The following SNX8 variants were observed in gnomAD, a reference collection of about 807,000 sequenced individuals.
The protein encoded by SNX8 is sorting nexin 8.
In SNX8, 25 loss-of-function variants were observed where a neutral mutation model predicts 51.6. That is an observed-to-expected ratio of 0.48 (90% CI 0.35 to 0.68). SNX8 has a LOEUF of 0.68. Among genes scored for constraint, SNX8 ranks in the 30% least tolerant of loss-of-function variants. SNX8 has a pLI of 0.00. For synonymous variants in SNX8, 324 were observed against 277.0 expected (o/e 1.17, Z -1.68); for missense variants, 695 against 624.0 (o/e 1.11, Z -1.21).
upstream of SNX8, among the ~76,000 whole-genome samples, chr7:2,315,705 G>T (rs1188146988): frequency 7.7e-6 from 1 of 129,588 alleles, no homozygotes; most frequent in Middle Eastern, 5.7e-3. Flanking sequence ...CATTCATTCA[G>T]TCACTCACTC....
At chr7:2,315,500 T>G (rs1281920605), upstream of SNX8, among the ~76,000 whole-genome samples, 5 of 141,294 alleles carry the variant, frequency 3.5e-5, 1 homozygote, top group African/African-American at 1.3e-4. Context: ...ACTTACTGCT[T>G]CTTCATACGT....
chr7:2,278,700 G>A (rs56397238), intron 1 of SNX8, among the ~76,000 whole-genome samples: 36 of 108,572 alleles, frequency 3.3e-4, no homozygotes, highest in African/African-American at 1.0e-3. Flanking sequence ...AGTCGACGCC[G>A]GACTCACTCA....
chr7:2,268,312 C>G (rs1316183342), intron 5 of SNX8, among the ~76,000 whole-genome samples: 2 of 144,426 alleles, frequency 1.4e-5, no homozygotes, highest in Non-Finnish European at 3.0e-5. Context: ...TGGCAACCAC[C>G]CCGTCTGAGA....
At chr7:2,267,976 A>T (rs1795515864) in intron 5 of SNX8, among the ~76,000 whole-genome samples, 3 of 141,440 alleles carry the variant, frequency 2.1e-5, no homozygotes, top group Admixed American at 6.9e-5. Flanking sequence ...CCCATCTGGG[A>T]TGTGAGGAGC....
chr7:2,277,428 G>C (rs373262066), intron 2 of SNX8, among the ~76,000 whole-genome samples: 17 of 152,004 alleles, frequency 1.1e-4, no homozygotes, highest in African/African-American at 4.1e-4. Context: ...AATCCTCGGG[G>C]GTTTCCCACT....
intron 1 of SNX8, among the ~76,000 whole-genome samples, chr7:2,293,768 G>A (rs1463756299): frequency 1.3e-5 from 2 of 148,532 alleles, no homozygotes; most frequent in Non-Finnish European, 3.0e-5. Context: ...TTCGAGACCT[G>A]CCTGGCCAAC....
intron 1 of SNX8, among the ~76,000 whole-genome samples, chr7:2,304,608 G>A (rs939129536): frequency 6.6e-6 from 1 of 151,944 alleles, no homozygotes; most frequent in African/African-American, 2.4e-5. Context: ...CCCTCACTGA[G>A]TAGCCCACCT....
At chr7:2,315,283 C>G (rs552602641), upstream of SNX8, among the ~76,000 whole-genome samples, 1 of 150,358 alleles carries the variant, frequency 6.7e-6, no homozygotes, top group African/African-American at 2.4e-5. Context: ...CACCCACTCA[C>G]CCACTCACTC....
chr7:2,269,310 A>C (rs1188807135), intron 5 of SNX8, among the ~76,000 whole-genome samples: 1 of 151,240 alleles, frequency 6.6e-6, no homozygotes, highest in Admixed American at 6.6e-5. Flanking sequence ...AGATGCTTGA[A>C]GGCAGCATGC....
intron 1 of SNX8, among the ~76,000 whole-genome samples, chr7:2,298,754 C>T (rs911716334): frequency 1.3e-4 from 19 of 151,794 alleles, no homozygotes; most frequent in African/African-American, 3.6e-4. Flanking sequence ...TGCAGTGGCA[C>T]GATCTCAGCT....
intron 1 of SNX8, among the ~76,000 whole-genome samples, chr7:2,313,560 AAAG>A (rs1160616889): frequency 1.3e-5 from 2 of 151,298 alleles, no homozygotes; most frequent in Non-Finnish European, 2.9e-5. Flanking sequence ...GAAAAAGAAA[AAAG>A]AAAAAGACAG....
rs1344736222 is a variant in SNX8, at chr7:2,275,108, T to G, written c.418+4A>C. On this transcript the variant is annotated splice_donor_region_variant and intron_variant, in intron 3 of 10. Transcript: ENST00000222990. ...CCCCCGGTGGGCAGCACGCCTGGCT[T>G]TACCTCCCAGCATTCTCTTGGGTGG... The G allele has an allele frequency of 6.2e-7, 1 of 1,604,666 alleles. No homozygotes were observed. The highest frequency in any genetic ancestry group is 1.1e-5 in the South Asian group (1 of 90,874).
rs1021609888 is a variant in SNX8 at position 2,334,311 on chromosome 7, G to A, written c.-66+19911C>T. 2.6e-5 allele frequency among the ~76,000 whole-genome samples: 4 copies of A among 152,068 alleles called. No homozygotes were observed. The South Asian group carries it at 6.2e-4, about 24-fold the overall frequency. Reference sequence around the variant, plus strand: ...CCAGCTACTTGGCAGGCTGAGGCAGGAGAATCACTTGAACCCGGGAGGCAG... The same window carrying A: ...CCAGCTACTTGGCAGGCTGAGGCAGAAGAATCACTTGAACCCGGGAGGCAG... On this transcript the variant is annotated intron_variant, in intron 1 of 5. Transcript: ENST00000435336.
At chr7:2,346,921 C>CAAAAAAAAAAAAAAAAAAAA (rs758069233) in intron 1 of SNX8, among the ~76,000 whole-genome samples, 1 of 49,772 alleles carries the variant, frequency 2.0e-5, no homozygotes. Context: ...GACTCCGTCT[C>CAAAAAAAAAAAAAAAAAAAA]AAAAAAAAAA....
intron 1 of SNX8, among the ~76,000 whole-genome samples, chr7:2,292,461 T>G (rs895680039): frequency 2.6e-5 from 4 of 151,496 alleles, no homozygotes; most frequent in African/African-American, 9.7e-5. Flanking sequence ...GCCCAGGCTG[T>G]AGTGCAGTGG....
At chr7:2,263,095 G>T in intron 7 of SNX8, 135 bp downstream of exon 7, 1 of 1,088,392 alleles carries the variant, frequency 9.2e-7, no homozygotes, top group Non-Finnish European at 1.3e-6. Flanking sequence ...CTCCAGCCTG[G>T]CAACAGAGGG....
chr7:2,334,869 GAAAAAAAAAA>G (rs71023399), intron 1 of SNX8, among the ~76,000 whole-genome samples: 44,844 of 79,632 alleles, frequency 0.56, 9,745 homozygotes, highest in East Asian at 0.68. Flanking sequence ...GCCCATCTCT[GAAAAAAAAAA>G]AAAAAAAAAA....
At chr7:2,335,675 C>T (rs1459392056) in intron 1 of SNX8, among the ~76,000 whole-genome samples, 1 of 151,810 alleles carries the variant, frequency 6.6e-6, no homozygotes, top group Non-Finnish European at 1.5e-5. Flanking sequence ...TGGTGGCAGG[C>T]GCCTGTAGTC....
At chr7:2,261,623 C>A (rs980594889) in intron 7 of SNX8, among the ~76,000 whole-genome samples, 1 of 152,148 alleles carries the variant, frequency 6.6e-6, no homozygotes, top group Non-Finnish European at 1.5e-5. Context: ...CCCACGTTCT[C>A]GGTCCCCTCC....
Sources: gnomAD v4.1 joint callset for allele counts (sites outside exome capture counted in the v4.1 genomes callset) on GRCh38, gnomAD v4.1.1 for gene constraint, MANE v1.5 for transcripts, NCBI Gene and HGNC (gene_info 2026-07-23, HGNC 2026-07-21) for gene names.